The following CD163L1 variants were observed in gnomAD, a reference collection of about 807,000 sequenced individuals.
CD163L1 encodes scavenger receptor cysteine-rich type 1 protein M160.
A neutral mutation model predicts 165.4 loss-of-function variants in CD163L1; 124 were observed. That is an observed-to-expected ratio of 0.75 (90% CI 0.65 to 0.87). The LOEUF (loss-of-function observed/expected upper bound fraction) is 0.87. Among genes scored for constraint, CD163L1 ranks in the 40% least tolerant of loss-of-function variants. The probability of loss-of-function intolerance (pLI) is 0.00; values close to 1 mark genes in which losing one functional copy is unlikely to be tolerated. For missense variants in CD163L1, 1,525 were observed against 1,799.9 expected, an observed-to-expected ratio of 0.85 and a Z score of 2.76; for synonymous variants, 585 against 662.2, an observed-to-expected ratio of 0.88 and a Z score of 1.79.
At chr12:7,438,431 T>G (rs1255433330) in intron 2 of CD163L1, among the ~76,000 whole-genome samples, 1 of 152,134 alleles carries the variant, frequency 6.6e-6, no homozygotes, top group Admixed American at 6.5e-5. Context: ...AGTGGTATAC[T>G]CAAGACAACA....
chr12:7,340,060 C>G, the CD163L1 span, among the ~76,000 whole-genome samples: 2 of 152,044 alleles, frequency 1.3e-5, no homozygotes, highest in Non-Finnish European at 2.9e-5. Context: ...GCTCTAAGTT[C>G]CTTTTCTGCT....
rs143837906 is a variant in CD163L1, at chr12:7,392,085, C to A, written c.2050+4010G>T. Among the ~76,000 whole-genome samples, 805 of 152,306 alleles carry A rather than the reference C, an allele frequency of 5.3e-3. 6 individuals carry two copies. Among genetic ancestry groups the A allele is most frequent in the Non-Finnish European group, 7.8e-3 (531 of 68,022 alleles). ...TGCACCAAGAGGACCTAATAGACAT[C>A]TGCAGAACTCTCCACAGCAAATCAA... On this transcript the variant is annotated intron_variant, in intron 8 of 19. Coordinates refer to ENST00000313599, the MANE Select transcript of CD163L1 (RefSeq NM_174941.6).
At chr12:7,409,672 G>T (rs1433560765) in intron 4 of CD163L1, among the ~76,000 whole-genome samples, 2 of 152,206 alleles carry the variant, frequency 1.3e-5, no homozygotes, top group African/African-American at 4.8e-5. Context: ...CAGCCCGGGG[G>T]TTGGAGACCC....
chr12:7,385,671 A>G (rs1285235889), intron 8 of CD163L1, among the ~76,000 whole-genome samples: 2 of 152,078 alleles, frequency 1.3e-5, no homozygotes, highest in Non-Finnish European at 2.9e-5. Flanking sequence ...TTATCAGACC[A>G]CAGTGGAATA....
At chr12:7,343,093 G>A (rs1946648193), downstream of CD163L1, among the ~76,000 whole-genome samples, 1 of 152,170 alleles carries the variant, frequency 6.6e-6, no homozygotes, top group Non-Finnish European at 1.5e-5. Context: ...TAGGGATGGG[G>A]AAAGAGAGAG....
the CD163L1 span, among the ~76,000 whole-genome samples, chr12:7,332,213 C>A: frequency 3.5e-3 from 524 of 151,190 alleles, 3 homozygotes; most frequent in African/African-American, 0.012. Flanking sequence ...TGAAATGAAG[C>A]GAGAAGAGAA....
the CD163L1 span, among the ~76,000 whole-genome samples, chr12:7,331,438 G>A: frequency 6.6e-6 from 1 of 152,202 alleles, no homozygotes; most frequent in Non-Finnish European, 1.5e-5. Flanking sequence ...GAGAGCAGTG[G>A]TTCTCCCAGC....
intron 4 of CD163L1, among the ~76,000 whole-genome samples, chr12:7,429,484 CCT>C (rs1411603996): frequency 6.6e-6 from 1 of 152,060 alleles, no homozygotes; most frequent in Non-Finnish European, 1.5e-5. Context: ...GGAATATCCA[CCT>C]ACATATCTTC....
chr12:7,416,868 T>C (rs1235849164), intron 4 of CD163L1, among the ~76,000 whole-genome samples: 1 of 152,208 alleles, frequency 6.6e-6, no homozygotes, highest in Non-Finnish European at 1.5e-5. Flanking sequence ...TCCAGCTTTG[T>C]TCTTTTTGCT....
At chr12:7,323,795 G>T in the CD163L1 span, among the ~76,000 whole-genome samples, 1 of 152,196 alleles carries the variant, frequency 6.6e-6, no homozygotes, top group Non-Finnish European at 1.5e-5. Flanking sequence ...TGAGGGTGCA[G>T]TTGGGGGGTG....
In CD163L1 at chr12:7,371,200, C is replaced by T. The variant is rs184999953; in HGVS notation, c.3731-1535G>A. The stretch of plus-strand genomic sequence containing the variant: ...TTAAGCCTCCTTCCTTTATAAATTA[C>T]CCAGTCTCTGGTATTTCTTTATTAG... On this transcript the variant is annotated intron_variant, in intron 14 of 19. Coordinates refer to ENST00000313599, the MANE Select transcript of CD163L1 (RefSeq NM_174941.6). Among the ~76,000 whole-genome samples, 12 of 152,272 alleles carry T rather than the reference C, an allele frequency of 7.9e-5. No homozygotes were observed. The East Asian group carries it at 2.1e-3, about 27-fold the overall frequency.
chr12:7,427,116 T>C (rs1445866517), intron 4 of CD163L1, among the ~76,000 whole-genome samples: 1 of 152,076 alleles, frequency 6.6e-6, no homozygotes, highest in East Asian at 1.9e-4. Context: ...ATTTTAATAC[T>C]CCACTTTCAA....
At chr12:7,403,972 G>C (rs1000274920) in intron 5 of CD163L1, 117 bp from the exon 6 acceptor site, 4 of 640,084 alleles carry the variant, frequency 6.2e-6, no homozygotes, top group Non-Finnish European at 9.9e-6. Flanking sequence ...ACTGAGAAAA[G>C]TAAAGACTAA....
intron 8 of CD163L1, among the ~76,000 whole-genome samples, chr12:7,393,123 A>G (rs915370428): frequency 4.6e-5 from 7 of 152,328 alleles, no homozygotes; most frequent in African/African-American, 1.4e-4. Context: ...AAACAAAAAA[A>G]GGGAATTTTA....
chr12:7,328,812 A>C, the CD163L1 span: 4 of 154,064 alleles, frequency 2.6e-5, no homozygotes, highest in African/African-American at 9.7e-5. Context: ...TAATTCAAAA[A>C]TTAGCGAGTT....
In CD163L1 at chr12:7,364,136, A is replaced by G. The variant is rs763798392; in HGVS notation, c.4279+3100T>C. On this transcript the variant is annotated intron_variant, in intron 18 of 19. Coordinates refer to ENST00000313599, the MANE Select transcript of CD163L1 (RefSeq NM_174941.6). ...AGGGATGCAAAGATTGTTCAACATG[A>G]GCAAATCAATAAAAAAGTGATATAT... Among the ~76,000 whole-genome samples the G allele has an allele frequency of 2.0e-5, 3 of 152,294 alleles. No homozygotes were observed. In the South Asian group the frequency reaches 6.2e-4, roughly 32 times the overall value.
At chr12:7,437,046 T>A (rs939380934) in intron 2 of CD163L1, among the ~76,000 whole-genome samples, 4 of 149,888 alleles carry the variant, frequency 2.7e-5, no homozygotes, top group Admixed American at 2.7e-4. Flanking sequence ...GAAACATTAT[T>A]ATAAAAAATG....
At chr12:7,439,069 G>C in intron 2 of CD163L1, 1 of 1,583,096 alleles carries the variant, frequency 6.3e-7, no homozygotes, top group Non-Finnish European at 8.5e-7. Context: ...GCTTCTCAAA[G>C]CCATGCTCCA....
At chr12:7,441,068 C>T (rs1948825457) in intron 2 of CD163L1, 86 bp downstream of exon 2, 2 of 892,486 alleles carry the variant, frequency 2.2e-6, no homozygotes, top group Admixed American at 2.0e-5. Context: ...TTCTATTTCC[C>T]TCAAAATATG....
Sources: gnomAD v4.1 joint callset for allele counts (sites outside exome capture counted in the v4.1 genomes callset) on GRCh38, gnomAD v4.1.1 for gene constraint, MANE v1.5 for transcripts, NCBI Gene and HGNC (gene_info 2026-07-23, HGNC 2026-07-21) for gene names.